Variants in FAM91A1 observed in about 807,000 individuals in gnomAD.
FAM91A1 encodes family with sequence similarity 91 member A1, also known as protein FAM91A1.
A neutral mutation model predicts 113.5 loss-of-function variants in FAM91A1; 41 were observed. The observed-to-expected ratio is 0.36, with a 90% CI of 0.28 to 0.47. FAM91A1 has a LOEUF of 0.47. Among genes scored for constraint, FAM91A1 ranks in the 20% least tolerant of loss-of-function variants. The pLI is 1.00. For missense variants in FAM91A1, 696 were observed against 1,001.2 expected, an observed-to-expected ratio of 0.70 and a Z score of 4.11; for synonymous variants, 307 against 347.9, an observed-to-expected ratio of 0.88 and a Z score of 1.31.
Position 123,775,196 on chromosome 8 carries a change from G to A in FAM91A1, c.207G>A (p.Lys69=), listed in dbSNP as rs1563635619. The change falls in exon 3 of 24, where the codon AAG becomes AAA. Residue 69 remains lysine, a synonymous_variant. Transcript: ENST00000334705. ...DERRYYEELL[K]YSRDHLMLYP... ...GCAGATACTATGAGGAACTGCTAAA[G>A]TACAGCCGAGATCATCTCATGCTGT... 1.2e-6 allele frequency: 2 copies of A among 1,613,488 alleles called. No individual in the cohort carries two copies. Among genetic ancestry groups the A allele is most frequent in the East Asian group, 4.5e-5 (2 of 44,882 alleles).
chr8:123,773,991 G>A (rs1814919416), intron 1 of FAM91A1, 89 bp from the exon 2 acceptor site: 2 of 908,964 alleles, frequency 2.2e-6, no homozygotes, highest in Admixed American at 5.1e-5. Flanking sequence ...ATAAAAATGG[G>A]GGTCGTGGTT....
At chr8:123,797,969 A>G (rs2130127636) in intron 15 of FAM91A1, 121 bp from the exon 16 acceptor site, 2 of 1,153,476 alleles carry the variant, frequency 1.7e-6, no homozygotes, top group East Asian at 2.4e-5. Flanking sequence ...TTCTTAATAG[A>G]GTTACTTTAC....
At chr8:123,789,836 A>G (rs1815342568) in intron 15 of FAM91A1, 91 bp downstream of exon 15, 2 of 1,428,634 alleles carry the variant, frequency 1.4e-6, no homozygotes, top group African/African-American at 1.4e-5. Flanking sequence ...TATAATCATC[A>G]CTTACGTATT....
chr8:123,799,604 C>G lies in FAM91A1; in HGVS notation c.1645C>G (p.Leu549Val), dbSNP rs769981802. ...TGTCACTGGACAAGGACCACCATCC[C>G]TTTTATTGTCCAAAGGTACAAGACT... Reference protein sequence around the residue: ...YHVTGQGPPSLLLSKGTRLRK... With the variant: ...YHVTGQGPPSVLLSKGTRLRK... The change falls in exon 17 of 24, where the codon CTT becomes GTT. Residue 549 changes from leucine to valine, a missense_variant. Coordinates refer to ENST00000334705, the MANE Select transcript of FAM91A1 (RefSeq NM_144963.4). 1.2e-6 allele frequency: 2 copies of G among 1,614,098 alleles called. No homozygotes were observed. Among genetic ancestry groups the G allele is most frequent in the South Asian group, 1.1e-5 (1 of 91,080 alleles).
Position 123,804,490 on chromosome 8 carries a change from T to TAAAA in FAM91A1, c.1810-749_1810-746dup, listed in dbSNP as rs57808944. ...TGAGTAACAGAGCAAGACTCTGTTT[T>TAAAA]AAAAAAAAAAAAAAAAAAAAAAAAA... On this transcript the variant is annotated intron_variant, in intron 18 of 23. Transcript: ENST00000334705. Among the ~76,000 whole-genome samples the TAAAA allele has an allele frequency of 2.2e-4, 16 of 73,862 alleles. 5 individuals are homozygous for TAAAA. Among genetic ancestry groups the TAAAA allele is most frequent in the Admixed American group, 6.8e-4 (4 of 5,858 alleles). The allele number at this position is 73,862 out of a possible 152,430, so 48.5% of individuals were successfully genotyped here.
intron 15 of FAM91A1, among the ~76,000 whole-genome samples, chr8:123,793,500 A>G (rs1815435247): frequency 6.6e-6 from 1 of 152,184 alleles, no homozygotes; most frequent in Non-Finnish European, 1.5e-5. Context: ...GCGATTAGTC[A>G]TTATTGTCTC....
chr8:123,781,206 G>A (rs1011133065), intron 8 of FAM91A1, among the ~76,000 whole-genome samples: 3 of 152,086 alleles, frequency 2.0e-5, no homozygotes, highest in African/African-American at 7.2e-5. Context: ...TTACAAGTAT[G>A]TCTTGTGGCA....
intron 3 of FAM91A1, among the ~76,000 whole-genome samples, chr8:123,776,803 A>G (rs192333830): frequency 9.8e-5 from 15 of 152,302 alleles, no homozygotes; most frequent in South Asian, 2.1e-4. Context: ...CTGGATACCA[A>G]GTTTAGCTCT....
At chr8:123,792,751 C>T (rs2130111767) in intron 15 of FAM91A1, among the ~76,000 whole-genome samples, 1 of 152,230 alleles carries the variant, frequency 6.6e-6, no homozygotes, top group East Asian at 1.9e-4. Context: ...TAAGACGTCC[C>T]TTCACTCTTT....
At chr8:123,805,936 CTT>C in intron 19 of FAM91A1, 142 bp from the exon 20 acceptor site, 1 of 735,780 alleles carries the variant, frequency 1.4e-6, no homozygotes, top group Non-Finnish European at 1.9e-6. Context: ...AGAATGACAA[CTT>C]TATATATTTC....
At chr8:123,784,019 C>T (rs997061611) in intron 8 of FAM91A1, among the ~76,000 whole-genome samples, 3 of 152,226 alleles carry the variant, frequency 2.0e-5, no homozygotes, top group African/African-American at 7.2e-5. Flanking sequence ...AGAGCCAATA[C>T]TTTGCATCCA....
intron 3 of FAM91A1, among the ~76,000 whole-genome samples, chr8:123,776,521 C>A (rs1586369498): frequency 6.6e-6 from 1 of 152,156 alleles, no homozygotes; most frequent in East Asian, 1.9e-4. Context: ...AGTGAAGAAC[C>A]AGGGTAGCAT....
Position 123,780,196 on chromosome 8 carries a change from G to A in FAM91A1, c.640+121G>A. The A allele has an allele frequency of 3.5e-6, 3 of 856,084 alleles. No individual in the cohort carries two copies. The South Asian group carries it at 5.6e-5, about 16-fold the overall frequency. The allele number at this position is 856,084 out of a possible 1,614,324, so 53.0% of individuals were successfully genotyped here. ...GTACTAGTTTCTAAGGCATGTTATT[G>A]TTTGAAATGTGACCTTAGTCTTTTG... On this transcript the variant is annotated intron_variant, in intron 7 of 23. Coordinates refer to ENST00000334705, the MANE Select transcript of FAM91A1 (RefSeq NM_144963.4).
rs1170939194 is a variant in FAM91A1, at chr8:123,799,566, T to A, written c.1607T>A (p.Leu536Gln). The change falls in exon 17 of 24, where the codon CTG becomes CAG. Residue 536 changes from leucine to glutamine, a missense_variant. Leu to Gln is a moderately radical substitution (Grantham distance 113, BLOSUM62 -2). Transcript: ENST00000334705. ...IPEVSSVWFK[L>Q]YIYHVTGQGP... ...GAAGTCAGCTCTGTCTGGTTTAAAC[T>A]GTACATTTATCATGTCACTGGACAA... 1 of 1,613,946 alleles carries A rather than the reference T, an allele frequency of 6.2e-7. No individual in the cohort carries two copies. The highest frequency in any genetic ancestry group is 1.3e-5 in the African/African-American group (1 of 74,944).
intron 16 of FAM91A1, among the ~76,000 whole-genome samples, chr8:123,799,249 C>G (rs72715042): frequency 0.016 from 2,398 of 152,252 alleles, 36 homozygotes; most frequent in Middle Eastern, 0.031. Context: ...GCTTAAGTAA[C>G]CTTCCTGAGG....
At chr8:123,799,454 A>C in intron 16 of FAM91A1, 66 bp from the exon 17 acceptor site, 1 of 1,476,730 alleles carries the variant, frequency 6.8e-7, no homozygotes. Flanking sequence ...GCTGTTTATA[A>C]GACTGTTCTC....
At position 123,812,491 on chromosome 8, in the gene FAM91A1, T is replaced by C. The variant is rs545403434; in HGVS notation, c.2332-28T>C. 6.3e-5 allele frequency: 98 copies of C among 1,545,554 alleles called. No individual in the cohort carries two copies. In the South Asian group the frequency reaches 9.0e-4, roughly 14 times the overall value. ...AGTGGTTTTGGTAAAGTGTTGAATA[T>C]CATTTCTCTTGTTTCTTGATCTTTT... On this transcript the variant is annotated intron_variant, in intron 23 of 23. Coordinates refer to ENST00000334705, the MANE Select transcript of FAM91A1 (RefSeq NM_144963.4).
chr8:123,789,856 T>TAGC, intron 15 of FAM91A1, 111 bp downstream of exon 15: 2 of 1,274,644 alleles, frequency 1.6e-6, no homozygotes, highest in South Asian at 3.1e-5. Flanking sequence ...TTTGTGTAGA[T>TAGC]AGCATATTGA....
intron 12 of FAM91A1, 57 bp downstream of exon 12, chr8:123,786,667 A>T: frequency 8.1e-7 from 1 of 1,234,292 alleles, no homozygotes; most frequent in South Asian, 1.2e-5. Context: ...ACATGTCCAA[A>T]CATACACTCT....
Sources: allele counts gnomAD v4.1 joint callset (sites outside exome capture counted in the v4.1 genomes callset), GRCh38; gene constraint gnomAD v4.1.1; transcripts MANE v1.5; gene names NCBI Gene and HGNC (gene_info 2026-07-23, HGNC 2026-07-21).